The following XRCC1 variants were observed in gnomAD, a reference collection of about 807,000 sequenced individuals.
XRCC1 encodes X-ray repair cross complementing 1.
XRCC1 carries 52 observed loss-of-function variants against 83.3 expected under a neutral mutation model. The observed-to-expected ratio is 0.62, with a 90% confidence interval of 0.50 to 0.79. The LOEUF (loss-of-function observed/expected upper bound fraction) is 0.79. Ranked by LOEUF, XRCC1 falls within the 30% of genes least tolerant of loss-of-function variation. XRCC1 has a pLI of 0.00. For synonymous variants in XRCC1, 281 were observed against 312.6 expected (o/e 0.90, Z 1.07); for missense variants, 793 against 823.5 (o/e 0.96, Z 0.45).
intron 4 of XRCC1, 105 bp downstream of exon 4, chr19:43,554,541 C>T (rs1416732120): frequency 4.3e-6 from 6 of 1,391,154 alleles, no homozygotes; most frequent in Non-Finnish European, 3.8e-6. Flanking sequence ...TCCCATGGGA[C>T]ACCAGCTGTC....
rs1267554823 is a variant in XRCC1, at chr19:43,551,070, C to T, written c.1199+501G>A. ...CACGATTTTGGCTTCCAGGTTCAAG[C>T]GATTCTCCTGCCTCAGCCTTCCGAG... On this transcript the variant is annotated intron_variant, in intron 10 of 16. Transcript: ENST00000262887. Among the ~76,000 whole-genome samples, 26 of 152,080 alleles carry T rather than the reference C, an allele frequency of 1.7e-4. 1 individual carries two copies. The highest frequency in any genetic ancestry group is 1.7e-3 in the Admixed American group (26 of 15,268).
intron 8 of XRCC1, 136 bp from the exon 9 acceptor site, chr19:43,552,411 C>G (rs1306904067): frequency 2.8e-4 from 195 of 699,314 alleles, no homozygotes; most frequent in Non-Finnish European, 2.1e-4. Context: ...CCCCTCCCCC[C>G]TCAGACCCAG....
At chr19:43,561,378 CAT>C (rs1215155422) in intron 2 of XRCC1, among the ~76,000 whole-genome samples, 4 of 152,206 alleles carry the variant, frequency 2.6e-5, no homozygotes, top group African/African-American at 7.2e-5. Context: ...ACAAACAGCA[CAT>C]GTCACCCCTC....
chr19:43,568,589 GA>G (rs1303704106), intron 2 of XRCC1, among the ~76,000 whole-genome samples: 1 of 151,470 alleles, frequency 6.6e-6, no homozygotes, highest in African/African-American at 2.4e-5. Context: ...ACTGTTACTT[GA>G]AAAAAAACAC....
Position 43,546,605 on chromosome 19 carries a change from C to A in XRCC1, c.1416G>T (p.Gly472=). The A allele has an allele frequency of 3.7e-6, 6 of 1,608,832 alleles. No individual in the cohort carries two copies. The highest frequency in any genetic ancestry group is 4.2e-6 in the Non-Finnish European group (5 of 1,178,594). The change falls in exon 12 of 17, where the codon GGG becomes GGT. Residue 472 remains glycine, a synonymous_variant. Transcript: ENST00000262887. ...CCCTCAGAGTCTGACCTGACTGTAC[C>A]CCCTCAATGTCTATATCTTCCTGGA... The part of the protein sequence containing the change: ...PVLQEDIDIE[G]VQSEGQDNGA...
chr19:43,558,651 A>C (rs3213330), intron 3 of XRCC1, among the ~76,000 whole-genome samples: 7,837 of 151,654 alleles, frequency 0.052, 369 homozygotes, highest in African/African-American at 0.13. Context: ...TAAATAAATA[A>C]ATAAATACAT....
chr19:43,554,897 C>A, intron 3 of XRCC1, 93 bp from the exon 4 acceptor site: 1 of 1,409,302 alleles, frequency 7.1e-7, no homozygotes, highest in Admixed American at 2.1e-5. Context: ...AGGGCCCACA[C>A]AGGGGACTGG....
intron 2 of XRCC1, 95 bp downstream of exon 2, chr19:43,574,815 A>G (rs937090160): frequency 1.0e-6 from 1 of 990,254 alleles, no homozygotes; most frequent in Non-Finnish European, 1.6e-6. Context: ...CCAGCAAAGA[A>G]AGTGACTAAA....
chr19:43,547,701 C>T (rs1972527252), intron 10 of XRCC1, among the ~76,000 whole-genome samples: 2 of 150,654 alleles, frequency 1.3e-5, no homozygotes, highest in African/African-American at 4.9e-5. Context: ...GGTTTCATCA[C>T]GTTGGCCAGG....
Position 43,546,806 on chromosome 19 carries a change from T to C in XRCC1, c.1293+78A>G, listed in dbSNP as rs749928006. On this transcript the variant is annotated intron_variant, in intron 11 of 16. Coordinates refer to ENST00000262887, the MANE Select transcript of XRCC1 (RefSeq NM_006297.3). Reference sequence around the variant, plus strand: ...GGGGGGTACCTGCAAGAGGCAAGAGTGGGAAGTTTGGGGTGCCACAGCGGA... The same window carrying C: ...GGGGGGTACCTGCAAGAGGCAAGAGCGGGAAGTTTGGGGTGCCACAGCGGA... 3 of 1,592,848 alleles carry C rather than the reference T, an allele frequency of 1.9e-6. No individual in the cohort carries two copies. The South Asian group carries it at 3.4e-5, about 18-fold the overall frequency.
chr19:43,546,615 T>C lies in XRCC1; in HGVS notation c.1406A>G (p.Asp469Gly). The C allele has an allele frequency of 1.9e-6, 3 of 1,610,870 alleles. No individual in the cohort carries two copies. Among genetic ancestry groups the C allele is most frequent in the Non-Finnish European group, 1.7e-6 (2 of 1,179,142 alleles). Residue 469 changes from aspartate to glycine, a missense_variant, in exon 12 of 17, where the codon GAC becomes GGC. Coordinates refer to ENST00000262887, the MANE Select transcript of XRCC1 (RefSeq NM_006297.3). ...CTGACCTGACTGTACCCCCTCAATG[T>C]CTATATCTTCCTGGAGCACTGGTGA... The part of the protein sequence containing the change: ...AASPVLQEDI[D>G]IEGVQSEGQD...
chr19:43,546,006 C>T, intron 13 of XRCC1, 46 bp downstream of exon 13: 1 of 1,613,746 alleles, frequency 6.2e-7, no homozygotes, highest in Non-Finnish European at 8.5e-7. Context: ...GCAGCCTCCC[C>T]TACACCCAAG....
Position 43,544,158 on chromosome 19 carries a change from G to C in XRCC1, c.1698C>G (p.Val566=), listed in dbSNP as rs1316970935. Reference sequence around the variant, plus strand: ...TGGAGACTCACCCATTGAAGGCTGTGACGTATCGGATGAGTTTCCGCCGCT... The same window carrying C: ...TGGAGACTCACCCATTGAAGGCTGTCACGTATCGGATGAGTTTCCGCCGCT... The part of the protein sequence containing the change: ...GDERRKLIRY[V]TAFNGELEDY... The change falls in exon 15 of 17, where the codon GTC becomes GTG. Residue 566 remains valine (V), a synonymous_variant. Coordinates refer to ENST00000262887, the MANE Select transcript of XRCC1 (RefSeq NM_006297.3). 1.9e-6 allele frequency: 3 copies of C among 1,608,900 alleles called. No homozygotes were observed. The highest frequency in any genetic ancestry group is 1.3e-5 in the African/African-American group (1 of 74,888).
chr19:43,544,049 G>A (rs1426949725), intron 15 of XRCC1, 95 bp downstream of exon 15: 7 of 1,208,932 alleles, frequency 5.8e-6, no homozygotes, highest in African/African-American at 3.0e-5. Flanking sequence ...TCCTCCTGAT[G>A]GTCTTCTTTC....
At chr19:43,572,353 A>G (rs536023160) in intron 2 of XRCC1, among the ~76,000 whole-genome samples, 5 of 152,096 alleles carry the variant, frequency 3.3e-5, no homozygotes, top group African/African-American at 4.8e-5. Context: ...AATTTTCACA[A>G]CTCCGGGCTT....
rs779486375 is a variant in XRCC1, at chr19:43,546,914, G to A, written c.1263C>T (p.Ser421=). The A allele has an allele frequency of 1.4e-5, 22 of 1,613,836 alleles. No homozygotes were observed. Among genetic ancestry groups the A allele is most frequent in the Admixed American group, 5.0e-5 (3 of 59,986 alleles). Residue 421 remains serine (S), a synonymous_variant, in exon 11 of 17, where the codon AGC becomes AGT. Transcript: ENST00000262887. ...EEDEASHSGG[S]GDEAPKLPQK... Reference sequence around the variant, plus strand: ...GAGGAAGCTTGGGGGCTTCATCTCCGCTGCCACCGCTGTGAGAGGCCTCAT... The same window carrying A: ...GAGGAAGCTTGGGGGCTTCATCTCCACTGCCACCGCTGTGAGAGGCCTCAT...
At chr19:43,562,599 C>G (rs1036368381) in intron 2 of XRCC1, among the ~76,000 whole-genome samples, 1 of 152,044 alleles carries the variant, frequency 6.6e-6, no homozygotes, top group African/African-American at 2.4e-5. Context: ...CAAAAATTAG[C>G]AAGGCATGGT....
rs867631387 is a variant in XRCC1 at position 43,548,063 on chromosome 19, G to A, written c.1200-1086C>T. On this transcript the variant is annotated intron_variant, in intron 10 of 16. Coordinates refer to ENST00000262887, the MANE Select transcript of XRCC1 (RefSeq NM_006297.3). Reference sequence around the variant, plus strand: ...AGGGAGGTGGGGGGCCAGCCGCCCCGTCGGGGGGGAGGTGGGGGGCCAGCC... The same window carrying A: ...AGGGAGGTGGGGGGCCAGCCGCCCCATCGGGGGGGAGGTGGGGGGCCAGCC... 5.8e-3 allele frequency among the ~76,000 whole-genome samples: 192 copies of A among 32,942 alleles called. 1 individual carries two copies. Among genetic ancestry groups the A allele is most frequent in the African/African-American group, 0.026 (140 of 5,328 alleles). 21.6% of individuals were successfully genotyped at this position (32,942 alleles called of 152,430 possible).
chr19:43,559,628 G>T (rs1972676866), intron 3 of XRCC1, among the ~76,000 whole-genome samples: 1 of 152,080 alleles, frequency 6.6e-6, no homozygotes, highest in South Asian at 2.1e-4. Context: ...ATAGGAGACA[G>T]GCAGAATAAC....
Sources: gnomAD v4.1 joint callset for allele counts (sites outside exome capture counted in the v4.1 genomes callset) on GRCh38, gnomAD v4.1.1 for gene constraint, MANE v1.5 for transcripts, NCBI Gene and HGNC (gene_info 2026-07-23, HGNC 2026-07-21) for gene names.